FOXN3: variants seen among roughly 807,000 people sequenced by gnomAD.
FOXN3 encodes the protein forkhead box protein N3.
A neutral mutation model predicts 38.4 loss-of-function variants in FOXN3; 7 were observed. The ratio of observed to expected loss-of-function variants is 0.18; its 90% CI spans 0.10 to 0.34. The LOEUF is 0.34. Ranked by LOEUF, FOXN3 falls within the 10% of genes least tolerant of loss-of-function variation. The probability of loss-of-function intolerance (pLI) is 1.00; values close to 1 mark genes in which losing one functional copy is unlikely to be tolerated. For synonymous variants in FOXN3, 230 were observed against 242.2 expected, an observed-to-expected ratio of 0.95 and a Z score of 0.47; for missense variants, 456 against 613.4, an observed-to-expected ratio of 0.74 and a Z score of 2.71.
intron 2 of FOXN3, among the ~76,000 whole-genome samples, chr14:89,358,211 C>T (rs1336180157): frequency 6.6e-6 from 1 of 152,202 alleles, no homozygotes; most frequent in Non-Finnish European, 1.5e-5. Context: ...GGCTGGGCTT[C>T]AGTAAGACCT....
intron 1 of FOXN3, among the ~76,000 whole-genome samples, chr14:89,562,952 T>G (rs1213934240): frequency 6.6e-6 from 1 of 152,188 alleles, no homozygotes; most frequent in East Asian, 1.9e-4. Flanking sequence ...CAGTGAGAAT[T>G]TTAATGTCTT....
chr14:89,270,234 G>A (rs775166847), intron 4 of FOXN3, among the ~76,000 whole-genome samples: 75 of 152,164 alleles, frequency 4.9e-4, no homozygotes, highest in Non-Finnish European at 1.0e-3. Flanking sequence ...TATGCATCAG[G>A]AGCTTCAGAG....
intron 1 of FOXN3, among the ~76,000 whole-genome samples, chr14:89,428,168 G>T (rs1892082268): frequency 6.6e-6 from 1 of 152,206 alleles, no homozygotes; most frequent in African/African-American, 2.4e-5. Flanking sequence ...TGAACTCTCT[G>T]AGAAACAGAA....
intron 3 of FOXN3, among the ~76,000 whole-genome samples, chr14:89,298,614 G>T (rs1887120384): frequency 6.6e-6 from 1 of 152,134 alleles, no homozygotes; most frequent in South Asian, 2.1e-4. Context: ...CATAAGGCAG[G>T]TGACACCTCT....
chr14:89,384,023 G>A (rs1412393716), intron 2 of FOXN3, among the ~76,000 whole-genome samples: 2 of 152,082 alleles, frequency 1.3e-5, no homozygotes, highest in East Asian at 1.9e-4. Context: ...GAATTTGGTG[G>A]GGGGGGACAT....
intron 1 of FOXN3, among the ~76,000 whole-genome samples, chr14:89,518,171 G>A (rs1214492402): frequency 6.6e-6 from 1 of 152,172 alleles, no homozygotes; most frequent in Non-Finnish European, 1.5e-5. Context: ...CTGGGCATGT[G>A]TAGGCCCCTC....
chr14:89,263,168 T>C (rs549161905), intron 4 of FOXN3, among the ~76,000 whole-genome samples: 10 of 152,390 alleles, frequency 6.6e-5, no homozygotes, highest in African/African-American at 1.7e-4. Context: ...CAAGATATTA[T>C]GGTGGAAAGA....
intron 3 of FOXN3, among the ~76,000 whole-genome samples, chr14:89,307,830 GT>G (rs1440654005): frequency 6.6e-6 from 1 of 152,178 alleles, no homozygotes; most frequent in Non-Finnish European, 1.5e-5. Flanking sequence ...TCCTATAGCA[GT>G]CTCTGCTAAT....
intron 4 of FOXN3, among the ~76,000 whole-genome samples, chr14:89,193,489 G>T (rs1326325604): frequency 6.6e-6 from 1 of 152,176 alleles, no homozygotes; most frequent in Non-Finnish European, 1.5e-5. Context: ...GCACACTTGT[G>T]GGGGTGCTTT....
chr14:89,365,301 T>G (rs939555214), intron 2 of FOXN3, among the ~76,000 whole-genome samples: 5 of 152,222 alleles, frequency 3.3e-5, no homozygotes, highest in Non-Finnish European at 7.3e-5. Context: ...GTTATTTTTT[T>G]GTACTCTCTA....
intron 1 of FOXN3, among the ~76,000 whole-genome samples, chr14:89,501,384 G>C (rs557723719): frequency 3.9e-5 from 6 of 152,170 alleles, no homozygotes; most frequent in Non-Finnish European, 4.4e-5. Context: ...CAGGTCGGGA[G>C]TGGACGAGCT....
At chr14:89,451,238 C>T (rs1474654832) in intron 1 of FOXN3, among the ~76,000 whole-genome samples, 2 of 152,100 alleles carry the variant, frequency 1.3e-5, no homozygotes, top group African/African-American at 4.8e-5. Context: ...CAGATGACAC[C>T]CAAGGAGGTA....
chr14:89,466,634 GT>G (rs1892979602), intron 1 of FOXN3, among the ~76,000 whole-genome samples: 1 of 152,188 alleles, frequency 6.6e-6, no homozygotes, highest in Non-Finnish European at 1.5e-5. Context: ...AACACAGGAA[GT>G]GCTGCAAGGG....
At chr14:89,364,128 C>T (rs1284651344) in intron 2 of FOXN3, among the ~76,000 whole-genome samples, 2 of 149,424 alleles carry the variant, frequency 1.3e-5, no homozygotes, top group Non-Finnish European at 3.0e-5. Context: ...AAAAGAAAAC[C>T]AGCCAAGTAC....
At chr14:89,550,305 T>C (rs1894976342) in intron 1 of FOXN3, among the ~76,000 whole-genome samples, 1 of 152,184 alleles carries the variant, frequency 6.6e-6, no homozygotes, top group African/African-American at 2.4e-5. Context: ...ACAGGGCAGG[T>C]CTTCATTTTC....
intron 4 of FOXN3, 37 bp downstream of exon 4, chr14:89,280,913 G>C: frequency 6.4e-7 from 1 of 1,570,174 alleles, no homozygotes; most frequent in Non-Finnish European, 8.8e-7. Context: ...GGGTGGGTGA[G>C]GGGGAGGGAG....
chr14:89,359,305 T>C (rs1889361141), intron 2 of FOXN3, among the ~76,000 whole-genome samples: 1 of 133,814 alleles, frequency 7.5e-6, no homozygotes, highest in Non-Finnish European at 1.6e-5. Context: ...CAAAATAAAA[T>C]TAAAAAAAAA....
chr14:89,594,308 A>G (rs1232866902), intron 1 of FOXN3, among the ~76,000 whole-genome samples: 1 of 152,220 alleles, frequency 6.6e-6, no homozygotes, highest in African/African-American at 2.4e-5. Flanking sequence ...AAGTGGTTGT[A>G]CCAATTTACA....
intron 4 of FOXN3, among the ~76,000 whole-genome samples, chr14:89,269,483 T>TG (rs1376083828): frequency 2.0e-5 from 3 of 151,126 alleles, no homozygotes; most frequent in Non-Finnish European, 4.4e-5. Context: ...TTGTTTTGTT[T>TG]TGTTTTTTTT....
Sources: allele counts gnomAD v4.1 joint callset (sites outside exome capture counted in the v4.1 genomes callset), GRCh38; gene constraint gnomAD v4.1.1; transcripts MANE v1.5; gene names NCBI Gene and HGNC (gene_info 2026-07-23, HGNC 2026-07-21).